Variants in IFNGR1 observed in about 807,000 individuals in gnomAD.
IFNGR1 encodes AVP, type 2.
IFNGR1 carries 23 observed loss-of-function variants against 35.4 expected under a neutral mutation model. The ratio of observed to expected loss-of-function variants is 0.65; its 90% CI spans 0.47 to 0.92. The LOEUF is 0.92. Among genes scored for constraint, IFNGR1 ranks in the 40% least tolerant of loss-of-function variants. The pLI is 0.00. For synonymous variants in IFNGR1, 199 were observed against 209.5 expected (o/e 0.95, Z 0.43); for missense variants, 533 against 583.4 (o/e 0.91, Z 0.89).
chr6:137,212,281 A>G (rs1779593910), intron 1 of IFNGR1, among the ~76,000 whole-genome samples: 1 of 152,154 alleles, frequency 6.6e-6, no homozygotes, highest in Non-Finnish European at 1.5e-5. Context: ...CTTTTGAGAC[A>G]GAGTCTTGCT....
chr6:137,208,393 G>A (rs1779496146), intron 1 of IFNGR1, among the ~76,000 whole-genome samples: 1 of 152,198 alleles, frequency 6.6e-6, no homozygotes, highest in African/African-American at 2.4e-5. Flanking sequence ...AATGTCTCCA[G>A]GCCATGTCAG....
chr6:137,213,596 G>C (rs1256277399), intron 1 of IFNGR1, among the ~76,000 whole-genome samples: 2 of 152,210 alleles, frequency 1.3e-5, no homozygotes, highest in Admixed American at 6.5e-5. Context: ...TGAAAAAAGA[G>C]AGACAACACA....
intron 1 of IFNGR1, chr6:137,215,227 A>G: frequency 6.5e-7 from 1 of 1,538,252 alleles, no homozygotes; most frequent in Non-Finnish European, 8.8e-7. Context: ...AATGCTTCCA[A>G]CATCTTTGTG....
In IFNGR1 at chr6:137,198,004, T is replaced by A; in HGVS notation, c.*27A>T. 1 of 1,613,650 alleles carries A rather than the reference T, an allele frequency of 6.2e-7. No homozygotes were observed. Among genetic ancestry groups the A allele is most frequent in the Non-Finnish European group, 8.5e-7 (1 of 1,179,874 alleles). On this transcript the variant is annotated 3_prime_UTR_variant, in exon 7 of 7. Transcript: ENST00000367739. ...AGAAAACTGTCCAGGAAAATCAGAC[T>A]TCAAAGTTGGTGCAACTTAGCTGAT...
Position 137,200,952 on chromosome 6 carries a change from C to T in IFNGR1, c.790G>A (p.Val264Ile), listed in dbSNP as rs372412638. The T allele has an allele frequency of 4.2e-5, 68 of 1,611,662 alleles. No individual in the cohort carries two copies. Among genetic ancestry groups the T allele is most frequent in the Middle Eastern group, 1.6e-4 (1 of 6,074 alleles). The change falls in exon 6 of 7, where the codon GTA becomes ATA. Residue 264 changes from valine to isoleucine, a missense_variant. Physicochemically the swap from Val to Ile is conservative, Grantham distance 29. Transcript: ENST00000367739. Reference protein sequence around the residue: ...ALLLFLVLSLVFICFYIKKIN... With the variant: ...ALLLFLVLSLIFICFYIKKIN... ...TTCTTAATATAAAAACAGATGAATACCAGGCTAAGCACTAGAAAGAGTAGT... is the reference window on the plus strand; with the variant it reads ...TTCTTAATATAAAAACAGATGAATATCAGGCTAAGCACTAGAAAGAGTAGT...
chr6:137,213,943 A>G (rs1779632182), intron 1 of IFNGR1, among the ~76,000 whole-genome samples: 2 of 152,260 alleles, frequency 1.3e-5, no homozygotes, highest in Admixed American at 6.5e-5. Context: ...TTGTACATCT[A>G]TGGTGGAACA....
At chr6:137,215,277 A>G (rs1779664737) in intron 1 of IFNGR1, 1 of 1,548,328 alleles carries the variant, frequency 6.5e-7, no homozygotes, top group East Asian at 2.5e-5. Flanking sequence ...CTCCATATTT[A>G]AATTGGAATT....
chr6:137,199,514 AATATATTATATATAATATATAATATAT>A, intron 6 of IFNGR1, among the ~76,000 whole-genome samples: 1 of 56,098 alleles, frequency 1.8e-5, no homozygotes, highest in Admixed American at 2.9e-4. Flanking sequence ...TATAATTTAT[AATATATTATATATAATATATAATATAT>A]ATTATATAAC....
At chr6:137,205,027 T>C (rs1372011360) in intron 3 of IFNGR1, among the ~76,000 whole-genome samples, 1 of 152,224 alleles carries the variant, frequency 6.6e-6, no homozygotes, top group Non-Finnish European at 1.5e-5. Context: ...CATATTACTG[T>C]GTACCACTGT....
intron 1 of IFNGR1, among the ~76,000 whole-genome samples, chr6:137,210,514 T>C (rs1335616465): frequency 1.3e-5 from 2 of 152,162 alleles, no homozygotes; most frequent in South Asian, 2.1e-4. Flanking sequence ...GATTTACTTA[T>C]ATAACTAAAA....
chr6:137,215,280 T>C (rs879850131), intron 1 of IFNGR1: 37 of 1,548,108 alleles, frequency 2.4e-5, no homozygotes, highest in Non-Finnish European at 3.2e-5. Context: ...CATATTTAAA[T>C]TGGAATTGGA....
chr6:137,208,961 G>A (rs887480001), intron 1 of IFNGR1, among the ~76,000 whole-genome samples: 2 of 152,228 alleles, frequency 1.3e-5, no homozygotes, highest in Non-Finnish European at 2.9e-5. Flanking sequence ...CAAAGCCACA[G>A]GGGCAGAGCT....
At position 137,209,047 on chromosome 6, in the gene IFNGR1, C is replaced by T. The variant is rs187231893; in HGVS notation, c.86-1970G>A. Among the ~76,000 whole-genome samples, 392 of 152,290 alleles carry T rather than the reference C, an allele frequency of 2.6e-3. 1 individual carries two copies. Among genetic ancestry groups the T allele is most frequent in the African/African-American group, 5.0e-3 (208 of 41,566 alleles). ...GACCTGGAGTCAAAGGAGATCATTT[C>T]GGAGCTTTAAGATTTGACTGCCCCA... On this transcript the variant is annotated intron_variant, in intron 1 of 6. Coordinates refer to ENST00000367739, the MANE Select transcript of IFNGR1 (RefSeq NM_000416.3).
chr6:137,212,711 C>T (rs1779605632), intron 1 of IFNGR1, among the ~76,000 whole-genome samples: 1 of 152,180 alleles, frequency 6.6e-6, no homozygotes, highest in East Asian at 1.9e-4. Context: ...TACTGAATCA[C>T]ACAATGGAAA....
rs868340562 is a variant in IFNGR1, at chr6:137,219,276, C to T, written c.52G>A (p.Glu18Lys). ...PLVMQGVSRAEMGTADLGPSS... is the reference protein window; with the variant it reads ...PLVMQGVSRAKMGTADLGPSS... ...GGCCCCAGATCCGCGGTGCCCATCT[C>T]AGCCCTGCTCACACCCTGCATGACA... The change falls in exon 1 of 7, where the codon GAG becomes AAG. Residue 18 changes from glutamate to lysine, a missense_variant. By Grantham distance (56) the Glu-to-Lys change is moderately conservative. Transcript: ENST00000367739. The T allele has an allele frequency of 6.2e-7, 1 of 1,611,976 alleles. No homozygotes were observed. Among genetic ancestry groups the T allele is most frequent in the South Asian group, 1.1e-5 (1 of 90,472 alleles).
Position 137,198,273 on chromosome 6 carries a change from T to G in IFNGR1, c.1228A>C (p.Asn410His). 6.2e-7 allele frequency: 1 copy of G among 1,614,004 alleles called. No individual in the cohort carries two copies. Among genetic ancestry groups the G allele is most frequent in the Middle Eastern group, 1.6e-4 (1 of 6,062 alleles). The stretch of plus-strand genomic sequence containing the variant: ...CAGCTGGAATCAGTATCAAAACCAT[T>G]TCTGGAGTGATCACTCTCAGAACAA... ...RNCSESDHSR[N>H]GFDTDSSCLE... The change falls in exon 7 of 7, where the codon AAT (asparagine) becomes CAT (histidine). Residue 410 changes from asparagine (N) to histidine (H), a missense_variant. Physicochemically the swap from Asn to His is moderately conservative, Grantham distance 68. Coordinates refer to ENST00000367739, the MANE Select transcript of IFNGR1 (RefSeq NM_000416.3).
chr6:137,207,776 CT>C lies in IFNGR1; in HGVS notation c.86-700del, dbSNP rs562390921. Among the ~76,000 whole-genome samples, 329 of 152,222 alleles carry C rather than the reference CT, an allele frequency of 2.2e-3. 2 individuals carry two copies. The highest frequency in any genetic ancestry group is 7.0e-3 in the African/African-American group (290 of 41,538). On this transcript the variant is annotated intron_variant, in intron 1 of 6. Transcript: ENST00000367739. ...TTTTTCTTCCCAGTCTTGGGCATGT[CT>C]TTATCAGCAGCATGAAAAAGGACTA...
chr6:137,199,962 C>A (rs1212638241), intron 6 of IFNGR1, among the ~76,000 whole-genome samples: 3 of 152,046 alleles, frequency 2.0e-5, no homozygotes, highest in African/African-American at 7.2e-5. Flanking sequence ...GTCACTATTA[C>A]ACTGAATACC....
chr6:137,201,029 C>A (rs1223923387), intron 5 of IFNGR1, 21 bp from the exon 6 acceptor site: 19 of 1,611,354 alleles, frequency 1.2e-5, no homozygotes, highest in Non-Finnish European at 1.4e-5. Context: ...GCAGAAATCA[C>A]AAGTTACAAT....
Sources: allele counts gnomAD v4.1 joint callset (sites outside exome capture counted in the v4.1 genomes callset), GRCh38; gene constraint gnomAD v4.1.1; transcripts MANE v1.5; gene names NCBI Gene and HGNC (gene_info 2026-07-23, HGNC 2026-07-21).